GNL3: variants seen among roughly 807,000 people sequenced by gnomAD.
The protein encoded by GNL3 is guanine nucleotide-binding protein-like 3.
Under a neutral mutation model 70.6 loss-of-function variants are expected in GNL3, and 77 were observed. That is an observed-to-expected ratio of 1.09 (90% confidence interval 0.91 to 1.32). The LOEUF (loss-of-function observed/expected upper bound fraction) is 1.32. Ranked by LOEUF, GNL3 falls within the 40% of genes most tolerant of loss-of-function variation. GNL3 has a pLI of 0.00. For missense variants in GNL3, 634 were observed against 644.0 expected, an observed-to-expected ratio of 0.98 and a Z score of 0.17; for synonymous variants, 252 against 216.1, an observed-to-expected ratio of 1.17 and a Z score of -1.46.
At chr3:52,686,445 T>G in intron 1 of GNL3, 1 of 570,548 alleles carries the variant, frequency 1.8e-6, no homozygotes, top group Non-Finnish European at 3.1e-6. Flanking sequence ...GAGAATCGCC[T>G]CCCAGACTCA....
In GNL3 at chr3:52,693,173, G is replaced by GTT; in HGVS notation, c.1045-5_1045-4dup. On this transcript the variant is annotated splice_polypyrimidine_tract_variant and intron_variant, in intron 10 of 14. Transcript: ENST00000418458. The stretch of plus-strand genomic sequence containing the variant: ...AGATGAAGGACAGCTCCTTTGTTTG[G>GTT]TTTTTTTTTTAAGGTAGTACTGAAA... 16 of 1,368,896 alleles carry GTT rather than the reference G, an allele frequency of 1.2e-5. No homozygotes were observed. Among genetic ancestry groups the GTT allele is most frequent in the South Asian group, 2.7e-5 (2 of 72,940 alleles). The allele number at this position is 1,368,896 out of a possible 1,614,324, so 84.8% of individuals were successfully genotyped here.
rs2097330226 is a variant in GNL3, at chr3:52,694,089, A to G, written c.1553A>G (p.Glu518Gly). The G allele has an allele frequency of 1.2e-6, 2 of 1,612,630 alleles. No homozygotes were observed. The highest frequency in any genetic ancestry group is 1.7e-5 in the Admixed American group (1 of 60,032). Residue 518 changes from glutamate to glycine, a missense_variant, in exon 14 of 15, where the codon GAG becomes GGG. Coordinates refer to ENST00000418458, the MANE Select transcript of GNL3 (RefSeq NM_014366.5). ...AAEETGEALS[E>G]ETTAGEQSTR... ...GAAGAGACAGGGGAGGCACTGTCTG[A>G]GGAGACTACAGCAGGTGAGGCAGGC...
Position 52,686,819 on chromosome 3 carries a change from CA to C in GNL3, c.71del (p.Lys24ArgfsTer9). The C allele has an allele frequency of 4.4e-6, 7 of 1,606,408 alleles. No individual in the cohort carries two copies. Among genetic ancestry groups the C allele is most frequent in the Non-Finnish European group, 6.0e-6 (7 of 1,174,974 alleles). ...RMTCHKRYKIQKKVREHHRKL... is the reference protein window; with the variant it reads ...RMTCHKRYKIXKKVREHHRKL... Reference sequence around the variant, plus strand: ...GACCTGCCATAAGCGGTATAAAATCCAAAAAAAGGTAAGTGTAGTGCTTGAG... The same window carrying C: ...GACCTGCCATAAGCGGTATAAAATCCAAAAAAGGTAAGTGTAGTGCTTGAG... On this transcript the variant is annotated frameshift_variant, in exon 2 of 15. Transcript: ENST00000418458. LOFTEE classifies it high-confidence loss of function.
intron 6 of GNL3, 143 bp from the exon 7 acceptor site, chr3:52,690,449 G>A: frequency 1.8e-6 from 1 of 550,388 alleles, no homozygotes; most frequent in Non-Finnish European, 3.3e-6. Context: ...ATTTTTAGTA[G>A]AGACGGGGTT....
At chr3:52,687,168 C>A in intron 2 of GNL3, 78 bp from the exon 3 acceptor site, 1 of 1,228,292 alleles carries the variant, frequency 8.1e-7, no homozygotes, top group South Asian at 1.3e-5. Flanking sequence ...AAATTGCAGC[C>A]AGATTGGTTT....
chr3:52,692,549 T>G (rs1194033473), intron 9 of GNL3, among the ~76,000 whole-genome samples: 1 of 151,862 alleles, frequency 6.6e-6, no homozygotes, highest in Non-Finnish European at 1.5e-5. Context: ...ACTCCTGACC[T>G]CAGGTGATCC....
In GNL3 at chr3:52,693,646, C is replaced by T. The variant is rs1338232955; in HGVS notation, c.1339C>T (p.His447Tyr). ...TTCTTTCCCAGCCATCAAGGGCCCT[C>T]ATTTGGCCAATAGCATCCTTTTCCA... ...AQSIRAIKGP[H>Y]LANSILFQSS... The change falls in exon 13 of 15, where the codon CAT (histidine) becomes TAT (tyrosine). Residue 447 changes from histidine (H) to tyrosine (Y), a missense_variant. Coordinates refer to ENST00000418458, the MANE Select transcript of GNL3 (RefSeq NM_014366.5). The T allele has an allele frequency of 6.2e-7, 1 of 1,613,914 alleles. No individual in the cohort carries two copies. The highest frequency in any genetic ancestry group is 2.2e-5 in the East Asian group (1 of 44,882).
rs576995549 is a variant in GNL3, at chr3:52,690,488, C to G, written c.542-104C>G. The G allele has an allele frequency of 4.4e-6, 3 of 684,830 alleles. No homozygotes were observed. The African/African-American group carries it at 5.4e-5, about 12-fold the overall frequency. 42.4% of individuals were successfully genotyped at this position (684,830 alleles called of 1,614,324 possible). A position where few individuals can be genotyped will look rare whatever the true frequency, so the allele number is the denominator to read the frequency against. On this transcript the variant is annotated intron_variant, in intron 6 of 14. Transcript: ENST00000418458. ...TCGTGTTAGCCAGGATGGTCTTGATCTCCTGAACTCGTGATCCGCCTGTCT... is the reference window on the plus strand; with the variant it reads ...TCGTGTTAGCCAGGATGGTCTTGATGTCCTGAACTCGTGATCCGCCTGTCT...
At chr3:52,691,425 T>G (rs1401781322) in intron 8 of GNL3, 117 bp from the exon 9 acceptor site, 1 of 704,086 alleles carries the variant, frequency 1.4e-6, no homozygotes, top group Non-Finnish European at 2.5e-6. Flanking sequence ...GTGAAGACAC[T>G]GAGATCCAAC....
At chr3:52,686,264 GA>G (rs1487748842) in intron 1 of GNL3, 159 bp downstream of exon 1, 2 of 743,056 alleles carry the variant, frequency 2.7e-6, no homozygotes, top group Admixed American at 4.7e-5. Flanking sequence ...CCGAGAGTTG[GA>G]AGTCCCTACG....
Position 52,693,249 on chromosome 3 carries a change from T to A in GNL3, c.1107T>A (p.Ala369=). 1 of 1,613,992 alleles carries A rather than the reference T, an allele frequency of 6.2e-7. No individual in the cohort carries two copies. The highest frequency in any genetic ancestry group is 1.1e-5 in the South Asian group (1 of 91,080). The change falls in exon 11 of 15, where the codon GCT becomes GCA. Residue 369 remains alanine (A), a synonymous_variant. Coordinates refer to ENST00000418458, the MANE Select transcript of GNL3 (RefSeq NM_014366.5). ...CTCTGGAATTTTTTACTGTGCTTGC[T>A]CAGAGAAGAGGTATGCACCAAAAAG... ...RNSLEFFTVL[A]QRRGMHQKGG...
chr3:52,689,696 A>G (rs1456720973), intron 6 of GNL3, among the ~76,000 whole-genome samples: 2 of 152,190 alleles, frequency 1.3e-5, no homozygotes, highest in Non-Finnish European at 2.9e-5. Context: ...GGGGTTAAGA[A>G]ACAATTGGCT....
Position 52,687,278 on chromosome 3 carries a change from G to T in GNL3, c.105G>T (p.Glu35Asp), listed in dbSNP as rs959514560. 1 of 1,613,128 alleles carries T rather than the reference G, an allele frequency of 6.2e-7. No homozygotes were observed. The highest frequency in any genetic ancestry group is 1.7e-5 in the Admixed American group (1 of 59,970). Residue 35 changes from glutamate (E) to aspartate (D), a missense_variant, in exon 3 of 15, where the codon GAG (glutamate) becomes GAT (aspartate). Transcript: ENST00000418458. ...VREHHRKLRKEAKKRGHKKPR... is the reference protein window; with the variant it reads ...VREHHRKLRKDAKKRGHKKPR... ...AACATCATCGAAAATTAAGAAAGGA[G>T]GCTAAAAAGCGGGGTCACAAGAAGC...
At position 52,693,204 on chromosome 3, in the gene GNL3, T is replaced by A. The variant is rs1434774953; in HGVS notation, c.1062T>A (p.Thr354=). 2 of 1,611,414 alleles carry A rather than the reference T, an allele frequency of 1.2e-6. No homozygotes were observed. The highest frequency in any genetic ancestry group is 1.7e-6 in the Non-Finnish European group (2 of 1,179,124). The change falls in exon 11 of 15, where the codon ACT becomes ACA. Residue 354 remains threonine (T), a synonymous_variant. Coordinates refer to ENST00000418458, the MANE Select transcript of GNL3 (RefSeq NM_014366.5). ...ADARQVVLKY[T]VPGYRNSLEF... ...TTTTTAAGGTAGTACTGAAATATACTGTCCCAGGCTACAGGAATTCTCTGG... is the reference window on the plus strand; with the variant it reads ...TTTTTAAGGTAGTACTGAAATATACAGTCCCAGGCTACAGGAATTCTCTGG...
In GNL3 at chr3:52,686,078, C is replaced by T; in HGVS notation, c.-15C>T. 2.4e-6 allele frequency: 3 copies of T among 1,232,990 alleles called. No homozygotes were observed. Among genetic ancestry groups the T allele is most frequent in the South Asian group, 1.2e-5 (1 of 83,480 alleles). The allele number at this position is 1,232,990 out of a possible 1,614,324, so 76.4% of individuals were successfully genotyped here. A position where few individuals can be genotyped will look rare whatever the true frequency, so the allele number is the denominator to read the frequency against. ...GAGGCAGGTTGATGTGTTTGTGCTT[C>T]CTTCTACAGCCAATATGAAAAGGCC... On this transcript the variant is annotated 5_prime_UTR_variant, in exon 1 of 15. Transcript: ENST00000418458.
intron 6 of GNL3, among the ~76,000 whole-genome samples, chr3:52,689,883 C>T (rs1298815541): frequency 2.0e-5 from 3 of 152,072 alleles, no homozygotes; most frequent in South Asian, 2.1e-4. Context: ...ACCCGGGAGG[C>T]GGAGGTTGCA....
At chr3:52,692,326 T>C (rs956517571) in intron 9 of GNL3, among the ~76,000 whole-genome samples, 1 of 150,200 alleles carries the variant, frequency 6.7e-6, no homozygotes, top group African/African-American at 2.5e-5. Flanking sequence ...GGGATTACAC[T>C]TGTGTTGGGT....
Position 52,693,745 on chromosome 3 carries a change from A to G in GNL3, c.1438A>G (p.Lys480Glu). The G allele has an allele frequency of 6.2e-7, 1 of 1,613,488 alleles. No homozygotes were observed. The highest frequency in any genetic ancestry group is 8.5e-7 in the Non-Finnish European group (1 of 1,179,964). ...HEELPKRKER[K>E]QEEREDDKDS... ...AGAATTGCCAAAACGGAAAGAAAGG[A>G]AGCAGGAGGAGAGGGAGGATGACAA... Residue 480 changes from lysine to glutamate, a missense_variant, in exon 13 of 15, where the codon AAG becomes GAG. Coordinates refer to ENST00000418458, the MANE Select transcript of GNL3 (RefSeq NM_014366.5).
rs925205470 is a variant in GNL3, at chr3:52,691,301, A to G, written c.781+230A>G. The G allele has an allele frequency of 6.6e-6, 4 of 605,708 alleles. No homozygotes were observed. The African/African-American group carries it at 7.4e-5, about 11-fold the overall frequency. The allele number at this position is 605,708 out of a possible 1,614,324, so 37.5% of individuals were successfully genotyped here. A position where few individuals can be genotyped will look rare whatever the true frequency, so the allele number is the denominator to read the frequency against. On this transcript the variant is annotated intron_variant, in intron 8 of 14. Coordinates refer to ENST00000418458, the MANE Select transcript of GNL3 (RefSeq NM_014366.5). Reference sequence around the variant, plus strand: ...TTCAGGTTTTTTGTTGGGACTGATTACTGTAGGAAGCTGGTTTCTAAAAGT... The same window carrying G: ...TTCAGGTTTTTTGTTGGGACTGATTGCTGTAGGAAGCTGGTTTCTAAAAGT...
Sources: allele counts gnomAD v4.1 joint callset (sites outside exome capture counted in the v4.1 genomes callset), GRCh38; gene constraint gnomAD v4.1.1; transcripts MANE v1.5; gene names NCBI Gene and HGNC (gene_info 2026-07-23, HGNC 2026-07-21).